The following LRIF1 variants were observed in gnomAD, a reference collection of about 807,000 sequenced individuals.
LRIF1 encodes ligand dependent nuclear receptor interacting factor 1.
In LRIF1, 32 loss-of-function variants were observed where a neutral mutation model predicts 52.7. The observed-to-expected ratio is 0.61, with a 90% CI of 0.46 to 0.82. The LOEUF is 0.82. Among genes scored for constraint, LRIF1 ranks in the 40% least tolerant of loss-of-function variants. The pLI is 0.00. For synonymous variants in LRIF1, 323 were observed against 317.4 expected, an observed-to-expected ratio of 1.02 and a Z score of -0.19; for missense variants, 887 against 892.0, an observed-to-expected ratio of 0.99 and a Z score of 0.07.
the LRIF1 span, among the ~76,000 whole-genome samples, chr1:110,887,266 G>A: frequency 0.011 from 1,662 of 152,026 alleles, 14 homozygotes; most frequent in Middle Eastern, 0.037. Flanking sequence ...GGGTTTCACC[G>A]TGTTAGCCAG....
the LRIF1 span, chr1:110,891,555 G>T: frequency 1.1e-6 from 1 of 893,676 alleles, no homozygotes; most frequent in Non-Finnish European, 1.8e-6. Context: ...AGGCTGGTGT[G>T]GGGTAAAATG....
chr1:110,906,620 T>C, the LRIF1 span, among the ~76,000 whole-genome samples: 2 of 152,298 alleles, frequency 1.3e-5, no homozygotes, highest in Non-Finnish European at 2.9e-5. Context: ...ACAAGACCTT[T>C]ACACAGAAAA....
chr1:110,952,086 T>G lies in LRIF1; in HGVS notation c.798A>C (p.Thr266=), dbSNP rs1197603257. Residue 266 remains threonine, a synonymous_variant, in exon 2 of 4, where the codon ACA becomes ACC. Transcript: ENST00000369763. ...CTGTAGCAACATTCTTTGGAATTTG[T>G]GTGGTATTTAGTATTACTGGCTTTG... ...EIAKPVILNT[T]QIPKNVATET... is the part of the protein sequence containing the mutation. The G allele has an allele frequency of 1.9e-6, 3 of 1,614,224 alleles. No individual in the cohort carries two copies. Among genetic ancestry groups the G allele is most frequent in the Admixed American group, 1.7e-5 (1 of 60,032 alleles).
downstream of LRIF1, chr1:110,944,194 C>T (rs1658149558): frequency 6.6e-6 from 1 of 152,128 alleles, no homozygotes. Context: ...GAAAGCAGAA[C>T]CAACAAAATT....
At chr1:110,877,793 T>C in the LRIF1 span, among the ~76,000 whole-genome samples, 1 of 152,094 alleles carries the variant, frequency 6.6e-6, no homozygotes, top group African/African-American at 2.4e-5. Context: ...TACATGAGAG[T>C]TGATGCTTTG....
chr1:110,915,536 A>C, the LRIF1 span, among the ~76,000 whole-genome samples: 1 of 149,046 alleles, frequency 6.7e-6, no homozygotes, highest in South Asian at 2.1e-4. Context: ...CTATGTTCAA[A>C]AATGTACAAA....
the LRIF1 span, among the ~76,000 whole-genome samples, chr1:110,916,884 T>C: frequency 6.6e-6 from 1 of 152,202 alleles, no homozygotes; most frequent in African/African-American, 2.4e-5. Flanking sequence ...AACTTCAAAT[T>C]TGTAAACTCC....
chr1:110,925,810 G>A, the LRIF1 span, among the ~76,000 whole-genome samples: 1 of 152,068 alleles, frequency 6.6e-6, no homozygotes, highest in Non-Finnish European at 1.5e-5. Context: ...TAGAATGAGA[G>A]AGTTTAGCAA....
At chr1:110,948,541 G>C in intron 3 of LRIF1, 142 bp from the exon 4 acceptor site, 1 of 1,283,658 alleles carries the variant, frequency 7.8e-7, no homozygotes, top group Non-Finnish European at 1.0e-6. Flanking sequence ...ACTACAGCAA[G>C]AGGGAAATAT....
the LRIF1 span, among the ~76,000 whole-genome samples, chr1:110,887,058 GT>G: frequency 1.4e-5 from 2 of 146,772 alleles, no homozygotes; most frequent in African/African-American, 5.0e-5. Context: ...CTCTATTTAT[GT>G]TTATTTTATT....
chr1:110,911,713 G>C, the LRIF1 span, among the ~76,000 whole-genome samples: 1 of 151,976 alleles, frequency 6.6e-6, no homozygotes, highest in Admixed American at 6.5e-5. Context: ...ATACGAATCA[G>C]TAAATGTGAT....
At chr1:110,956,192 G>C (rs966246766) in intron 1 of LRIF1, among the ~76,000 whole-genome samples, 1 of 152,188 alleles carries the variant, frequency 6.6e-6, no homozygotes, top group East Asian at 1.9e-4. Context: ...GACCACAGAA[G>C]ATATTAGAGT....
chr1:110,963,418 G>T (rs919050959), intron 1 of LRIF1: 3 of 409,208 alleles, frequency 7.3e-6, no homozygotes, highest in Admixed American at 3.6e-5. Flanking sequence ...GCTGTGTCAG[G>T]CTCTAAAGAG....
chr1:110,918,282 G>C, the LRIF1 span, among the ~76,000 whole-genome samples: 1 of 152,210 alleles, frequency 6.6e-6, no homozygotes, highest in East Asian at 1.9e-4. Context: ...GCACTGTCCT[G>C]AAGATCAGGA....
chr1:110,932,813 A>C, the LRIF1 span, among the ~76,000 whole-genome samples: 4 of 152,158 alleles, frequency 2.6e-5, no homozygotes, highest in African/African-American at 9.7e-5. Context: ...AGCTACTATT[A>C]CTAGGGCATT....
chr1:110,948,920 A>G (rs543419823), intron 3 of LRIF1, among the ~76,000 whole-genome samples: 2 of 152,186 alleles, frequency 1.3e-5, no homozygotes, highest in Admixed American at 6.5e-5. Context: ...ATGCATGCTT[A>G]TATCTTCTAC....
chr1:110,908,479 A>G, the LRIF1 span, among the ~76,000 whole-genome samples: 1 of 152,180 alleles, frequency 6.6e-6, no homozygotes, highest in Admixed American at 6.5e-5. Flanking sequence ...GAAGGTTGAA[A>G]CTCAATCCAC....
chr1:110,939,041 T>C, the LRIF1 span: 1 of 151,896 alleles, frequency 6.6e-6, no homozygotes, highest in Non-Finnish European at 1.5e-5. Context: ...TGAAAGAAAT[T>C]GAAGAGAACA....
rs550977591 is a variant in LRIF1, at chr1:110,951,380, T to C, written c.1504A>G (p.Ser502Gly). The change falls in exon 2 of 4, where the codon AGT becomes GGT. Residue 502 changes from serine to glycine, a missense_variant. Coordinates refer to ENST00000369763, the MANE Select transcript of LRIF1 (RefSeq NM_018372.4). ...ATTTTCTCTATGCTCTGGAGGACAC[T>C]TCCTTTTCTAGCATAAATGACGGCT... ...VTAVIYARKG[S>G]VLQSIEKISS... is the part of the protein sequence containing the mutation. The C allele has an allele frequency of 2.4e-4, 380 of 1,614,170 alleles. 6 individuals carry two copies. The South Asian group carries it at 4.1e-3, about 17-fold the overall frequency.
Sources: allele counts gnomAD v4.1 joint callset (sites outside exome capture counted in the v4.1 genomes callset), GRCh38; gene constraint gnomAD v4.1.1; transcripts MANE v1.5; gene names NCBI Gene and HGNC (gene_info 2026-07-23, HGNC 2026-07-21).